Variants in PARP8 observed in about 807,000 individuals in gnomAD.
The protein encoded by PARP8 is poly(ADP-ribose) polymerase family member 8.
Under a neutral mutation model 124.1 loss-of-function variants are expected in PARP8, and 51 were observed. The observed-to-expected ratio is 0.41, with a 90% CI of 0.33 to 0.52. The LOEUF is 0.52. PARP8 is among the 20% of genes least tolerant of loss of function. The pLI, the probability that PARP8 is intolerant of heterozygous loss-of-function variation, is 0.21. For synonymous variants in PARP8, 391 were observed against 361.5 expected, an observed-to-expected ratio of 1.08 and a Z score of -0.93; for missense variants, 860 against 1,018.9, an observed-to-expected ratio of 0.84 and a Z score of 2.12.
chr5:50,821,077 T>C, intron 15 of PARP8, 136 bp from the exon 16 acceptor site: 1 of 963,538 alleles, frequency 1.0e-6, no homozygotes, highest in South Asian at 1.6e-5. Context: ...GTCTCAAGTC[T>C]TGCATTACAC....
At chr5:50,780,155 A>G (rs1395553215) in intron 9 of PARP8, among the ~76,000 whole-genome samples, 9 of 152,128 alleles carry the variant, frequency 5.9e-5, no homozygotes, top group Non-Finnish European at 1.0e-4. Flanking sequence ...CCTTAATGTT[A>G]AGTCATGAGG....
rs751229714 is a variant in PARP8 at position 50,761,894 on chromosome 5, G to T, written c.419G>T (p.Gly140Val). The change falls in exon 6 of 26, where the codon GGG (glycine) becomes GTG (valine). Residue 140 changes from glycine (G) to valine (V), a missense_variant. This residue lies in a region of PARP8 where 517 missense variants were observed against 544.2 expected (regional missense o/e 0.95). Coordinates refer to ENST00000281631, the MANE Select transcript of PARP8 (RefSeq NM_024615.4). Reference sequence around the variant, plus strand: ...GATTCCGAAGAATTTTATTACGGAGGGCAGGTAAGGAAACCTGGTCTTCCA... The same window carrying T: ...GATTCCGAAGAATTTTATTACGGAGTGCAGGTAAGGAAACCTGGTCTTCCA... The part of the protein sequence containing the change: ...DNDSEEFYYG[G>V]QVNYDGELHK... 6 of 1,592,518 alleles carry T rather than the reference G, an allele frequency of 3.8e-6. No homozygotes were observed. Among genetic ancestry groups the T allele is most frequent in the Non-Finnish European group, 5.2e-6 (6 of 1,163,264 alleles).
At chr5:50,757,047 G>T in intron 3 of PARP8, 2 of 403,582 alleles carry the variant, frequency 5.0e-6, no homozygotes, top group Non-Finnish European at 1.0e-5. Context: ...TTGTATATGT[G>T]TACCTCCGTT....
chr5:50,801,266 A>G (rs1233001052), intron 14 of PARP8, among the ~76,000 whole-genome samples: 1 of 151,822 alleles, frequency 6.6e-6, no homozygotes, highest in African/African-American at 2.4e-5. Flanking sequence ...CACCCGGCTA[A>G]TTTTGTGTTT....
At chr5:50,733,585 T>C (rs1446197886) in intron 2 of PARP8, among the ~76,000 whole-genome samples, 1 of 152,172 alleles carries the variant, frequency 6.6e-6, no homozygotes, top group Non-Finnish European at 1.5e-5. Context: ...AGTATTTATG[T>C]CAACTAAACT....
chr5:50,714,206 A>G (rs181612813), intron 2 of PARP8, among the ~76,000 whole-genome samples: 2 of 151,470 alleles, frequency 1.3e-5, no homozygotes, highest in East Asian at 3.9e-4. Context: ...CTTCTCTGTC[A>G]AGACTTTTTG....
intron 3 of PARP8, among the ~76,000 whole-genome samples, chr5:50,759,403 T>G (rs1289855538): frequency 6.6e-6 from 1 of 152,176 alleles, no homozygotes; most frequent in East Asian, 1.9e-4. Context: ...CTGGATAGTC[T>G]CTATTCAAAA....
chr5:50,684,620 T>G (rs557176897), intron 2 of PARP8, among the ~76,000 whole-genome samples: 1 of 152,304 alleles, frequency 6.6e-6, no homozygotes, highest in South Asian at 2.1e-4. Flanking sequence ...CATGAGCCTG[T>G]CAGAGAACTT....
chr5:50,674,785 A>G (rs1178940405), intron 2 of PARP8, among the ~76,000 whole-genome samples: 1 of 152,224 alleles, frequency 6.6e-6, no homozygotes, highest in Non-Finnish European at 1.5e-5. Context: ...TGTCAAGATC[A>G]TGGTTTTTAT....
At chr5:50,770,295 G>A (rs1305995801) in intron 7 of PARP8, among the ~76,000 whole-genome samples, 1 of 152,160 alleles carries the variant, frequency 6.6e-6, no homozygotes, top group Admixed American at 6.6e-5. Flanking sequence ...TGAGCAAAGT[G>A]TGGTTGTAGA....
At chr5:50,788,439 T>C (rs1430340596) in intron 9 of PARP8, 84 bp from the exon 10 acceptor site, 4 of 1,192,280 alleles carry the variant, frequency 3.4e-6, no homozygotes, top group South Asian at 2.5e-5. Context: ...TGCACATATA[T>C]AATGCGATTT....
chr5:50,762,474 G>A (rs79032843), intron 6 of PARP8, among the ~76,000 whole-genome samples: 6,444 of 152,192 alleles, frequency 0.042, 439 homozygotes, highest in African/African-American at 0.15. Flanking sequence ...CTGAGCAATT[G>A]ATTTTAGGGT....
In PARP8 at chr5:50,845,302, A is replaced by G. The variant is rs968501664; in HGVS notation, c.*3234A>G. 4.6e-5 allele frequency: 7 copies of G among 151,746 alleles called. No individual in the cohort carries two copies. Among genetic ancestry groups the G allele is most frequent in the Non-Finnish European group, 8.9e-5 (6 of 67,782 alleles). 9.4% of individuals were successfully genotyped at this position (151,746 alleles called of 1,614,324 possible). The stretch of plus-strand genomic sequence containing the variant: ...TTCAGAAAGTTTTGACGAAAAACTC[A>G]TCTTCATTAAAGAGTCTGGATAACT... On this transcript the variant is annotated 3_prime_UTR_variant, in exon 26 of 26. Transcript: ENST00000281631.
Position 50,778,744 on chromosome 5 carries a change from A to G in PARP8, c.670+94A>G, listed in dbSNP as rs555775375. ...CGTGTTCATTTGTCAGTTCTGAGCA[A>G]AAGTGCTAAATATCTTGATAATGGT... On this transcript the variant is annotated intron_variant, in intron 9 of 25. Transcript: ENST00000281631. 76 of 662,114 alleles carry G rather than the reference A, an allele frequency of 1.1e-4. 2 individuals carry two copies. In the South Asian group the frequency reaches 2.5e-3, roughly 22 times the overall value. The allele number at this position is 662,114 out of a possible 1,614,324, so 41.0% of individuals were successfully genotyped here. A position where few individuals can be genotyped will look rare whatever the true frequency, so the allele number is the denominator to read the frequency against.
chr5:50,738,906 C>G (rs766407400), intron 2 of PARP8: 1 of 688,066 alleles, frequency 1.5e-6, no homozygotes, highest in Non-Finnish European at 2.7e-6. Context: ...GATAATGAGA[C>G]GTAGGCTTAG....
At chr5:50,794,647 C>A (rs971692887) in intron 11 of PARP8, among the ~76,000 whole-genome samples, 5 of 151,806 alleles carry the variant, frequency 3.3e-5, no homozygotes, top group African/African-American at 1.2e-4. Flanking sequence ...ATCTTAGAAC[C>A]TTTTTTTTGC....
At chr5:50,826,096 T>C (rs1746322713) in intron 18 of PARP8, among the ~76,000 whole-genome samples, 2 of 152,144 alleles carry the variant, frequency 1.3e-5, no homozygotes, top group Admixed American at 1.3e-4. Context: ...CTTTCTTTTT[T>C]TCCTTGTAGT....
At chr5:50,773,933 A>C (rs154141) in intron 7 of PARP8, among the ~76,000 whole-genome samples, 2 of 151,658 alleles carry the variant, frequency 1.3e-5, no homozygotes, top group Non-Finnish European at 2.9e-5. Flanking sequence ...GAAGGTCAGC[A>C]GATAAACACG....
intron 2 of PARP8, 69 bp from the exon 3 acceptor site, chr5:50,750,082 T>C (rs1759059390): frequency 1.0e-5 from 13 of 1,275,174 alleles, no homozygotes; most frequent in Non-Finnish European, 1.5e-5. Context: ...GTTTGGTTTG[T>C]CTTTTTTTTA....
Sources: allele counts gnomAD v4.1 joint callset (sites outside exome capture counted in the v4.1 genomes callset), GRCh38; gene constraint gnomAD v4.1.1; regional missense constraint gnomAD v4.1.1; transcripts MANE v1.5; gene names NCBI Gene and HGNC (gene_info 2026-07-23, HGNC 2026-07-21).